The following KCNQ3 variants were observed in gnomAD, a reference collection of about 807,000 sequenced individuals.
The protein encoded by KCNQ3 is potassium voltage-gated channel subfamily KQT member 3.
Under a neutral mutation model 92.5 loss-of-function variants are expected in KCNQ3, and 30 were observed. That is an observed-to-expected ratio of 0.32 (90% CI 0.24 to 0.44). KCNQ3 has a LOEUF of 0.44. Ranked by LOEUF, KCNQ3 falls within the 20% of genes least tolerant of loss-of-function variation. The pLI, the probability that KCNQ3 is intolerant of heterozygous loss-of-function variation, is 1.00. For missense variants in KCNQ3, 913 were observed against 1,140.3 expected (o/e 0.80, Z 2.87); for synonymous variants, 450 against 468.8 (o/e 0.96, Z 0.52).
At chr8:132,281,358 T>C (rs1816505771) in intron 1 of KCNQ3, among the ~76,000 whole-genome samples, 1 of 152,096 alleles carries the variant, frequency 6.6e-6, no homozygotes, top group Admixed American at 6.6e-5. Context: ...CCTCCTTTGC[T>C]ACCTTATGAC....
intron 10 of KCNQ3, chr8:132,140,697 T>C (rs1266973893): frequency 1.9e-5 from 5 of 258,942 alleles, no homozygotes; most frequent in Non-Finnish European, 3.7e-5. Flanking sequence ...ATGTCCTCCC[T>C]TTGCATAAGT....
chr8:132,468,844 C>G (rs1288790786), intron 1 of KCNQ3, among the ~76,000 whole-genome samples: 6 of 152,142 alleles, frequency 3.9e-5, no homozygotes, highest in African/African-American at 1.4e-4. Flanking sequence ...TATGGGATAC[C>G]CCATGAGCCA....
rs766512941 is a variant in KCNQ3, at chr8:132,140,061, C to A, written c.1568+15G>T. On this transcript the variant is annotated intron_variant, in intron 11 of 14. Coordinates refer to ENST00000388996, the MANE Select transcript of KCNQ3 (RefSeq NM_004519.4). ...GGGAGGCACACAGGCACAGGTGGGACCGTGGGGGCATTACCTGACGGCTCG... is the reference window on the plus strand; with the variant it reads ...GGGAGGCACACAGGCACAGGTGGGAACGTGGGGGCATTACCTGACGGCTCG... 6.4e-7 allele frequency: 1 copy of A among 1,562,734 alleles called. No homozygotes were observed. The highest frequency in any genetic ancestry group is 8.7e-7 in the Non-Finnish European group (1 of 1,148,936).
intron 1 of KCNQ3, chr8:132,186,559 C>G (rs554633069): frequency 5.5e-5 from 20 of 366,692 alleles, no homozygotes; most frequent in African/African-American, 4.3e-4. Context: ...ATGTGTTCTA[C>G]ACACATAGGA....
chr8:132,266,228 T>C (rs1815976951), intron 1 of KCNQ3, among the ~76,000 whole-genome samples: 1 of 152,202 alleles, frequency 6.6e-6, no homozygotes, highest in Non-Finnish European at 1.5e-5. Flanking sequence ...TTTCTCAGGA[T>C]ATGTTATTTG....
chr8:132,338,620 T>C (rs1388369442), intron 1 of KCNQ3, among the ~76,000 whole-genome samples: 1 of 152,168 alleles, frequency 6.6e-6, no homozygotes, highest in Non-Finnish European at 1.5e-5. Flanking sequence ...GCCGAGGGTG[T>C]GAGAACACTC....
chr8:132,338,612 C>T lies in KCNQ3; in HGVS notation c.386+141535G>A, dbSNP rs143475881. On this transcript the variant is annotated intron_variant, in intron 1 of 14. Transcript: ENST00000388996. ...TTGACCGTGGTGTTCAGAGGGAAGC[C>T]GAGGGTGTGAGAACACTCAGTAGCG... Among the ~76,000 whole-genome samples, 846 of 152,232 alleles carry T rather than the reference C, an allele frequency of 5.6e-3. 17 individuals carry two copies. The highest frequency in any genetic ancestry group is 0.032 in the Admixed American group (486 of 15,302).
At chr8:132,429,564 G>A (rs1243944942) in intron 1 of KCNQ3, among the ~76,000 whole-genome samples, 1 of 152,118 alleles carries the variant, frequency 6.6e-6, no homozygotes, top group Admixed American at 6.5e-5. Context: ...AGAGCCCTAA[G>A]AATGAGAGTT....
At chr8:132,447,861 CAG>C (rs1013368714) in intron 1 of KCNQ3, among the ~76,000 whole-genome samples, 1 of 152,178 alleles carries the variant, frequency 6.6e-6, no homozygotes, top group Non-Finnish European at 1.5e-5. Flanking sequence ...GAGATGGAAA[CAG>C]AAGTTACCAC....
intron 1 of KCNQ3, among the ~76,000 whole-genome samples, chr8:132,209,734 C>T (rs1257356230): frequency 1.3e-5 from 2 of 152,054 alleles, no homozygotes; most frequent in Non-Finnish European, 2.9e-5. Flanking sequence ...ATGATTTTGC[C>T]CATCTGTAGG....
intron 12 of KCNQ3, among the ~76,000 whole-genome samples, chr8:132,136,282 G>A (rs1360247659): frequency 1.3e-5 from 2 of 152,126 alleles, no homozygotes; most frequent in African/African-American, 4.8e-5. Flanking sequence ...CAGGGAAGCT[G>A]AGGCCCAGAG....
intron 1 of KCNQ3, among the ~76,000 whole-genome samples, chr8:132,321,800 T>C (rs767182297): frequency 1.3e-5 from 2 of 152,142 alleles, no homozygotes; most frequent in Non-Finnish European, 2.9e-5. Context: ...AAATATGCCC[T>C]CTACACCAGT....
At chr8:132,469,036 C>T (rs1822242787) in intron 1 of KCNQ3, among the ~76,000 whole-genome samples, 1 of 152,212 alleles carries the variant, frequency 6.6e-6, no homozygotes, top group South Asian at 2.1e-4. Context: ...TGATGTGCAT[C>T]CTGTGACATC....
intron 4 of KCNQ3, among the ~76,000 whole-genome samples, chr8:132,178,532 G>A (rs1052031050): frequency 2.2e-4 from 34 of 152,136 alleles, no homozygotes; most frequent in African/African-American, 8.2e-4. Flanking sequence ...GAGCACCCAG[G>A]AGGATTCACA....
chr8:132,188,006 A>T (rs1408082716), intron 1 of KCNQ3, among the ~76,000 whole-genome samples: 1 of 151,400 alleles, frequency 6.6e-6, no homozygotes, highest in African/African-American at 2.4e-5. Context: ...AAAGTTAGAT[A>T]TGACCATTCC....
At chr8:132,228,991 C>T (rs535557628) in intron 1 of KCNQ3, among the ~76,000 whole-genome samples, 19 of 151,864 alleles carry the variant, frequency 1.3e-4, no homozygotes, top group Non-Finnish European at 2.5e-4. Flanking sequence ...CATGGTGGCT[C>T]ACACCTGTAA....
chr8:132,403,952 A>T (rs1181461831), intron 1 of KCNQ3, among the ~76,000 whole-genome samples: 1 of 152,196 alleles, frequency 6.6e-6, no homozygotes, highest in Non-Finnish European at 1.5e-5. Flanking sequence ...TGGGGTGGGT[A>T]CAACACCGCC....
intron 8 of KCNQ3, among the ~76,000 whole-genome samples, chr8:132,165,539 G>A (rs534483090): frequency 1.5e-4 from 23 of 152,234 alleles, no homozygotes; most frequent in African/African-American, 4.8e-4. Context: ...TCAATCAGCC[G>A]AGACTGAACA....
At chr8:132,432,228 C>T (rs1047449624) in intron 1 of KCNQ3, among the ~76,000 whole-genome samples, 3 of 151,994 alleles carry the variant, frequency 2.0e-5, no homozygotes, top group Non-Finnish European at 2.9e-5. Context: ...CCTCAGTGCA[C>T]GTTTGCAGAG....
Sources: gnomAD v4.1 joint callset for allele counts (sites outside exome capture counted in the v4.1 genomes callset) on GRCh38, gnomAD v4.1.1 for gene constraint, MANE v1.5 for transcripts, NCBI Gene and HGNC (gene_info 2026-07-23, HGNC 2026-07-21) for gene names.